DNAH8: variants seen among roughly 807,000 people sequenced by gnomAD.
DNAH8 encodes the protein axonemal beta dynein heavy chain 8.
DNAH8 carries 382 observed loss-of-function variants against 562.1 expected under a neutral mutation model. The observed-to-expected ratio is 0.68, with a 90% CI of 0.63 to 0.74. The LOEUF (loss-of-function observed/expected upper bound fraction) is 0.74, where lower values mean the gene tolerates loss of function less well. DNAH8 is among the 30% of genes least tolerant of loss of function. DNAH8 has a pLI of 0.00. For missense variants in DNAH8, 5,203 were observed against 5,620.4 expected (o/e 0.93, Z 2.37); for synonymous variants, 1,881 against 1,919.4 (o/e 0.98, Z 0.52).
chr6:38,907,887 G>T, intron 63 of DNAH8, 69 bp from the exon 64 acceptor site: 1 of 1,280,116 alleles, frequency 7.8e-7, no homozygotes, highest in Non-Finnish European at 1.0e-6. Context: ...AAAGGGACTG[G>T]ACTTTGGCAG....
At chr6:38,868,283 G>A in intron 48 of DNAH8, 87 bp downstream of exon 48, 1 of 1,308,438 alleles carries the variant, frequency 7.6e-7, no homozygotes, top group Non-Finnish European at 1.1e-6. Flanking sequence ...CTGATGTTGA[G>A]CTGTGAGCAC....
intron 88 of DNAH8, among the ~76,000 whole-genome samples, chr6:39,002,949 G>A (rs1043255782): frequency 6.6e-6 from 1 of 152,110 alleles, no homozygotes; most frequent in Non-Finnish European, 1.5e-5. Context: ...AGATAGTTCG[G>A]GTATGCATGT....
chr6:38,853,497 C>G (rs1775932940), intron 41 of DNAH8, 150 bp downstream of exon 41: 1 of 807,576 alleles, frequency 1.2e-6, no homozygotes, highest in African/African-American at 1.8e-5. Context: ...GCCTCAGCTC[C>G]CAACCACCTG....
At chr6:38,804,405 G>A (rs1175448804) in intron 22 of DNAH8, among the ~76,000 whole-genome samples, 1 of 152,164 alleles carries the variant, frequency 6.6e-6, no homozygotes, top group Non-Finnish European at 1.5e-5. Flanking sequence ...GAACTGATTA[G>A]GTAAAACTTT....
intron 88 of DNAH8, among the ~76,000 whole-genome samples, chr6:38,997,821 G>A (rs1182117057): frequency 6.6e-6 from 1 of 152,102 alleles, no homozygotes; most frequent in Non-Finnish European, 1.5e-5. Flanking sequence ...GCAGTGGTGC[G>A]ATCTCAGCTC....
At chr6:38,985,748 T>C (rs1444893973) in intron 87 of DNAH8, among the ~76,000 whole-genome samples, 2 of 152,194 alleles carry the variant, frequency 1.3e-5, no homozygotes, top group African/African-American at 4.8e-5. Context: ...GCAAGCATCA[T>C]AGATGGTTTT....
intron 68 of DNAH8, among the ~76,000 whole-genome samples, chr6:38,915,766 C>T (rs143696152): frequency 3.9e-5 from 6 of 152,228 alleles, no homozygotes; most frequent in Non-Finnish European, 8.8e-5. Context: ...AGCTAGACAT[C>T]CACAGCTGTG....
At chr6:38,961,273 A>G (rs1448700582) in intron 82 of DNAH8, among the ~76,000 whole-genome samples, 1 of 152,008 alleles carries the variant, frequency 6.6e-6, no homozygotes, top group Non-Finnish European at 1.5e-5. Context: ...TATATAGTCC[A>G]AAATATCTAG....
At chr6:39,016,165 TCTCCTGGGTTTTATGTC>T (rs1766552310) in intron 91 of DNAH8, among the ~76,000 whole-genome samples, 1 of 152,184 alleles carries the variant, frequency 6.6e-6, no homozygotes, top group Non-Finnish European at 1.5e-5. Flanking sequence ...CATGAATGTA[TCTCCTGGGTTTTATGTC>T]CTCTAATTCA....
At position 38,931,997 on chromosome 6, in the gene DNAH8, A is replaced by C; in HGVS notation, c.11457+4A>C. On this transcript the variant is annotated splice_donor_region_variant and intron_variant, in intron 76 of 92. Transcript: ENST00000327475. ...AGTCATTCTAACAGAGAAACAGGTA[A>C]TCTCTCTCTCAAGGTAAAGAATTTC... is the stretch of plus-strand genomic sequence containing the variant. 6.4e-7 allele frequency: 1 copy of C among 1,553,636 alleles called. No homozygotes were observed. The highest frequency in any genetic ancestry group is 1.2e-5 in the South Asian group (1 of 80,562).
At chr6:38,986,142 T>C (rs1764382695) in intron 87 of DNAH8, among the ~76,000 whole-genome samples, 1 of 152,196 alleles carries the variant, frequency 6.6e-6, no homozygotes, top group African/African-American at 2.4e-5. Context: ...AGAGAAATTC[T>C]CAGAATGTAC....
chr6:38,766,386 A>G (rs1766999335), intron 11 of DNAH8, among the ~76,000 whole-genome samples: 1 of 152,190 alleles, frequency 6.6e-6, no homozygotes, highest in Non-Finnish European at 1.5e-5. Flanking sequence ...GGGATGGCAC[A>G]ATGACGAGAT....
chr6:39,012,082 A>G (rs1766248348), intron 89 of DNAH8, 133 bp from the exon 90 acceptor site: 3 of 585,204 alleles, frequency 5.1e-6, no homozygotes, highest in South Asian at 7.1e-5. Flanking sequence ...GTTCTGCAAG[A>G]CATATTTTAG....
intron 22 of DNAH8, among the ~76,000 whole-genome samples, 175 bp downstream of exon 22, chr6:38,803,486 TGTTA>T (rs1770971740): frequency 6.6e-6 from 1 of 152,162 alleles, no homozygotes; most frequent in Non-Finnish European, 1.5e-5. Context: ...GAGTTCTTTT[TGTTA>T]GTTCGGGAAT....
intron 91 of DNAH8, among the ~76,000 whole-genome samples, chr6:39,018,687 A>T (rs1444054452): frequency 6.6e-6 from 1 of 152,174 alleles, no homozygotes; most frequent in Admixed American, 6.5e-5. Context: ...ACCATCCTCC[A>T]GGTCACCTGG....
intron 21 of DNAH8, among the ~76,000 whole-genome samples, chr6:38,792,021 G>A (rs1040272862): frequency 1.3e-5 from 2 of 152,072 alleles, no homozygotes; most frequent in African/African-American, 2.4e-5. Context: ...TCAGAAACCT[G>A]GGAATCATCT....
rs777609925 is a variant in DNAH8, at chr6:38,823,018, G to A, written c.3704G>A (p.Arg1235His). ...QKYKTLWTED[R>H]DVKVKEFLAN... Reference sequence around the variant, plus strand: ...TACAAGACTCTCTGGACAGAGGACCGCGATGTGAAAGTGAAGGTGTCTTTC... The same window carrying A: ...TACAAGACTCTCTGGACAGAGGACCACGATGTGAAAGTGAAGGTGTCTTTC... The change falls in exon 27 of 93, where the codon CGC becomes CAC. Residue 1235 changes from arginine to histidine, a missense_variant. Physicochemically the swap from Arg to His is conservative, Grantham distance 29. This residue lies in a region of DNAH8 where 2,176 missense variants were observed against 2,365.1 expected (regional missense o/e 0.92). Coordinates refer to ENST00000327475, the MANE Select transcript of DNAH8 (RefSeq NM_001206927.2). 53 of 1,576,112 alleles carry A rather than the reference G, an allele frequency of 3.4e-5. No individual in the cohort carries two copies. The highest frequency in any genetic ancestry group is 4.1e-5 in the African/African-American group (3 of 72,750).
chr6:38,917,929 T>C lies in DNAH8; in HGVS notation c.10313T>C (p.Met3438Thr), dbSNP rs770469586. The change falls in exon 70 of 93, where the codon ATG (methionine) becomes ACG (threonine). Residue 3438 changes from methionine to threonine, a missense_variant. This residue lies in a region of DNAH8 where 87 missense variants were observed against 144.9 expected (regional missense o/e 0.60). Coordinates refer to ENST00000327475, the MANE Select transcript of DNAH8 (RefSeq NM_001206927.2). Reference protein sequence around the residue: ...KPSWGESLKLMSATGFLWSLQ... With the variant: ...KPSWGESLKLTSATGFLWSLQ... ...GGTTATAATACTATTTTTCAGTTGA[T>C]GAGTGCAACAGGATTCCTGTGGAGC... 2.5e-6 allele frequency: 4 copies of C among 1,606,830 alleles called. No individual in the cohort carries two copies. The Admixed American group carries it at 5.1e-5, about 20-fold the overall frequency.
intron 4 of DNAH8, among the ~76,000 whole-genome samples, chr6:38,732,665 C>T (rs1048596216): frequency 6.6e-6 from 1 of 152,178 alleles, no homozygotes; most frequent in Non-Finnish European, 1.5e-5. Flanking sequence ...CATCAGTAGA[C>T]TTCCATCTCT....
Sources: allele counts gnomAD v4.1 joint callset (sites outside exome capture counted in the v4.1 genomes callset), GRCh38; gene constraint gnomAD v4.1.1; regional missense constraint gnomAD v4.1.1; transcripts MANE v1.5; gene names NCBI Gene and HGNC (gene_info 2026-07-23, HGNC 2026-07-21).